The following MGRN1 variants were observed in gnomAD, a reference collection of about 807,000 sequenced individuals.
MGRN1 encodes mahogunin ring finger 1, also known as E3 ubiquitin-protein ligase MGRN1.
A neutral mutation model predicts 69.2 loss-of-function variants in MGRN1; 29 were observed. That is an observed-to-expected ratio of 0.42 (90% CI 0.31 to 0.57). The LOEUF (loss-of-function observed/expected upper bound fraction) is 0.57, where lower values mean the gene tolerates loss of function less well. MGRN1 is among the 20% of genes least tolerant of loss of function. The pLI is 0.15. For synonymous variants in MGRN1, 470 were observed against 344.2 expected (o/e 1.37, Z -4.04); for missense variants, 998 against 796.2 (o/e 1.25, Z -3.05).
At chr16:4,630,639 G>A (rs1241460659) in intron 1 of MGRN1, among the ~76,000 whole-genome samples, 1 of 151,836 alleles carries the variant, frequency 6.6e-6, no homozygotes, top group Non-Finnish European at 1.5e-5. Flanking sequence ...AGTAGAGACG[G>A]GGTTTTCACC....
At chr16:4,650,662 C>T (rs2078385203) in intron 2 of MGRN1, 179 bp downstream of exon 2, 2 of 501,630 alleles carry the variant, frequency 4.0e-6, no homozygotes, top group Non-Finnish European at 3.5e-6. Context: ...GGGTTGTGTC[C>T]TGGTGCTGCC....
At chr16:4,668,181 GGGTGGCCAACCCA>G in intron 7 of MGRN1, 71 bp from the exon 8 acceptor site, 1 of 1,164,426 alleles carries the variant, frequency 8.6e-7, no homozygotes, top group Non-Finnish European at 1.2e-6. Flanking sequence ...GGCTGGGGCA[GGGTGGCCAACCCA>G]GGCGGCCACG....
In MGRN1 at chr16:4,673,512, G is replaced by C; in HGVS notation, c.810G>C (p.Glu270Asp). 1 of 1,613,156 alleles carries C rather than the reference G, an allele frequency of 6.2e-7. No individual in the cohort carries two copies. Among genetic ancestry groups the C allele is most frequent in the Non-Finnish European group, 8.5e-7 (1 of 1,179,948 alleles). ...TGTCCCGGCAGCCCTCGGACGACGAGAACAGCGACAACAGCAACGAGTGTG... is the reference window on the plus strand; with the variant it reads ...TGTCCCGGCAGCCCTCGGACGACGACAACAGCGACAACAGCAACGAGTGTG... ...NNQETKPSDD[E>D]NSDNSNECVV... The change falls in exon 10 of 17, where the codon GAG becomes GAC. Residue 270 changes from glutamate to aspartate, a missense_variant. Coordinates refer to ENST00000262370, the MANE Select transcript of MGRN1 (RefSeq NM_015246.4).
chr16:4,687,243 G>C (rs1032493367), intron 16 of MGRN1: 31 of 985,308 alleles, frequency 3.1e-5, no homozygotes, highest in African/African-American at 2.1e-4. Flanking sequence ...GGGTGGCCCA[G>C]GTGAGTGTTT....
At chr16:4,687,802 T>TGAGCC (rs753150544) in intron 16 of MGRN1, 100 of 985,314 alleles carry the variant, frequency 1.0e-4, no homozygotes, top group Non-Finnish European at 1.2e-4. Context: ...TGGGTGGACT[T>TGAGCC]GAGCCGGGTC....
intron 16 of MGRN1, chr16:4,688,490 G>A (rs1306408700): frequency 1.4e-5 from 16 of 1,164,684 alleles, no homozygotes; most frequent in Non-Finnish European, 1.6e-5. Flanking sequence ...CCAGGGCAAG[G>A]GCAGGAGGCC....
chr16:4,667,710 T>C (rs17134905), intron 7 of MGRN1, among the ~76,000 whole-genome samples: 4,057 of 152,322 alleles, frequency 0.027, 187 homozygotes, highest in African/African-American at 0.094. Flanking sequence ...GTAATTAACC[T>C]TGTTGAACTC....
At chr16:4,670,836 G>C (rs114116220) in intron 8 of MGRN1, among the ~76,000 whole-genome samples, 1 of 152,350 alleles carries the variant, frequency 6.6e-6, no homozygotes, top group African/African-American at 2.4e-5. Flanking sequence ...GGGCTCCCTG[G>C]AGTGGTGCTC....
At position 4,650,595 on chromosome 16, in the gene MGRN1, G is replaced by C. The variant is rs1315674832; in HGVS notation, c.207+112G>C. 7.4e-6 allele frequency: 6 copies of C among 816,150 alleles called. No homozygotes were observed. The South Asian group carries it at 9.5e-5, about 13-fold the overall frequency. The allele number at this position is 816,150 out of a possible 1,614,324, so 50.6% of individuals were successfully genotyped here. ...CAGGCACCAAATCACCCCTAAAGGGGGCAGAGCTCCTGGCAGGATTCCAGT... is the reference window on the plus strand; with the variant it reads ...CAGGCACCAAATCACCCCTAAAGGGCGCAGAGCTCCTGGCAGGATTCCAGT... On this transcript the variant is annotated intron_variant, in intron 2 of 16. Transcript: ENST00000262370.
At chr16:4,641,248 C>T (rs1416464050) in intron 1 of MGRN1, among the ~76,000 whole-genome samples, 1 of 152,240 alleles carries the variant, frequency 6.6e-6, no homozygotes, top group Non-Finnish European at 1.5e-5. Flanking sequence ...AACACTTCCC[C>T]AGGCCTGGTC....
At chr16:4,664,365 G>A (rs1407790211) in intron 5 of MGRN1, 3 of 338,840 alleles carry the variant, frequency 8.9e-6, no homozygotes, top group South Asian at 3.6e-5. Flanking sequence ...AGGAGGGGAT[G>A]GGGAGTGTGT....
intron 13 of MGRN1, among the ~76,000 whole-genome samples, chr16:4,682,569 G>A (rs1476525465): frequency 6.6e-6 from 1 of 152,182 alleles, no homozygotes; most frequent in Non-Finnish European, 1.5e-5. Flanking sequence ...TCTCCTTCTA[G>A]AAAGAAAAGG....
chr16:4,677,409 C>T, intron 10 of MGRN1, 54 bp from the exon 11 acceptor site: 2 of 1,419,390 alleles, frequency 1.4e-6, no homozygotes, highest in Non-Finnish European at 1.9e-6. Context: ...GGGAGGGTCC[C>T]CTCGGGGCTG....
chr16:4,646,769 C>G (rs890998665), intron 1 of MGRN1, among the ~76,000 whole-genome samples: 1 of 152,236 alleles, frequency 6.6e-6, no homozygotes, highest in Non-Finnish European at 1.5e-5. Context: ...GGCTGGCCAC[C>G]TCGCTCATCT....
chr16:4,675,152 T>C (rs2079028839), intron 10 of MGRN1, among the ~76,000 whole-genome samples: 2 of 151,918 alleles, frequency 1.3e-5, no homozygotes, highest in South Asian at 4.1e-4. Context: ...TGTGTATTTT[T>C]AGTAGAGATG....
chr16:4,678,749 G>A (rs1466958792), intron 11 of MGRN1, among the ~76,000 whole-genome samples: 6 of 152,234 alleles, frequency 3.9e-5, no homozygotes, highest in Admixed American at 2.0e-4. Flanking sequence ...AGCTGTGGCT[G>A]TTATGAGCCG....
chr16:4,665,067 C>T (rs201160527), intron 6 of MGRN1, 35 bp from the exon 7 acceptor site: 560 of 1,613,462 alleles, frequency 3.5e-4, no homozygotes, highest in Non-Finnish European at 4.6e-4. Flanking sequence ...GGGCAGGCCC[C>T]GACTCTGACT....
chr16:4,680,819 T>G (rs1314941051), intron 12 of MGRN1: 1 of 152,350 alleles, frequency 6.6e-6, no homozygotes, highest in Non-Finnish European at 1.5e-5. Flanking sequence ...CACCTCCCCG[T>G]GGTCTCCAGG....
chr16:4,658,035 C>T (rs1440755647), intron 5 of MGRN1, among the ~76,000 whole-genome samples: 1 of 151,622 alleles, frequency 6.6e-6, no homozygotes, highest in East Asian at 2.0e-4. Flanking sequence ...AGCCACCGTG[C>T]CCGGCCATTG....
Sources: allele counts gnomAD v4.1 joint callset (sites outside exome capture counted in the v4.1 genomes callset), GRCh38; gene constraint gnomAD v4.1.1; transcripts MANE v1.5; gene names NCBI Gene and HGNC (gene_info 2026-07-23, HGNC 2026-07-21).